Variants in GOLGA1 observed in about 807,000 individuals in gnomAD.
GOLGA1 encodes golgin A1, also known as golgin subfamily A member 1.
A neutral mutation model predicts 119.7 loss-of-function variants in GOLGA1; 63 were observed. The observed-to-expected ratio is 0.53, with a 90% CI of 0.43 to 0.65. The LOEUF (loss-of-function observed/expected upper bound fraction) is 0.65, where lower values mean the gene tolerates loss of function less well. Ranked by LOEUF, GOLGA1 falls within the 30% of genes least tolerant of loss-of-function variation. The pLI is 0.00. For missense variants in GOLGA1, 798 were observed against 912.8 expected, an observed-to-expected ratio of 0.87 and a Z score of 1.62; for synonymous variants, 318 against 333.4, an observed-to-expected ratio of 0.95 and a Z score of 0.50.
chr9:124,943,167 C>T (rs575902528), upstream of GOLGA1: 2 of 152,294 alleles, frequency 1.3e-5, no homozygotes, highest in South Asian at 4.1e-4. Context: ...ACTGACAAGA[C>T]TTTTACAATA....
chr9:124,895,963 C>A (rs1445911026), intron 15 of GOLGA1, among the ~76,000 whole-genome samples: 1 of 152,128 alleles, frequency 6.6e-6, no homozygotes, highest in Non-Finnish European at 1.5e-5. Context: ...AGAGAACCAT[C>A]CACAACAGAG....
At chr9:124,936,459 G>A (rs1830872402) in intron 3 of GOLGA1, among the ~76,000 whole-genome samples, 1 of 151,918 alleles carries the variant, frequency 6.6e-6, no homozygotes, top group Non-Finnish European at 1.5e-5. Context: ...AAAATCTTTA[G>A]AGACAGAGTC....
chr9:124,914,314 G>A (rs1456162309), intron 10 of GOLGA1, among the ~76,000 whole-genome samples: 1 of 152,082 alleles, frequency 6.6e-6, no homozygotes, highest in African/African-American at 2.4e-5. Flanking sequence ...TGGCTAACAC[G>A]GTGAAACCCC....
chr9:124,911,993 T>A lies in GOLGA1; in HGVS notation c.877A>T (p.Ile293Phe), dbSNP rs775141689. 3 of 1,613,244 alleles carry A rather than the reference T, an allele frequency of 1.9e-6. No homozygotes were observed. In the Admixed American group the frequency reaches 5.0e-5, roughly 27 times the overall value. ...TAETQEKEDV[I>F]THLQEKVASL... ...GCAACCTTCTCTTGCAAATGTGTGA[T>A]AACGTCTTCTTTCTCTTGAGTTTCA... Residue 293 changes from isoleucine to phenylalanine, a missense_variant, in exon 11 of 23, where the codon ATC becomes TTC. Physicochemically the swap from Ile to Phe is conservative, Grantham distance 21. Transcript: ENST00000373555.
chr9:124,940,185 G>C (rs545495883), intron 1 of GOLGA1, 30 bp from the exon 2 acceptor site: 1 of 152,234 alleles, frequency 6.6e-6, no homozygotes, highest in Non-Finnish European at 1.5e-5. Context: ...AAATGCATTG[G>C]GTATTTCTTT....
chr9:124,894,379 T>A (rs1829919049), intron 15 of GOLGA1, among the ~76,000 whole-genome samples: 1 of 119,220 alleles, frequency 8.4e-6, no homozygotes, highest in African/African-American at 3.5e-5. Context: ...AATTTAAAGT[T>A]TTGTGTGTGT....
At chr9:124,941,763 C>T (rs148732140), upstream of GOLGA1, among the ~76,000 whole-genome samples, 140 of 152,284 alleles carry the variant, frequency 9.2e-4, 4 homozygotes, top group South Asian at 0.014. Context: ...GCTGCTGGGC[C>T]GTCTCCTTTC....
intron 12 of GOLGA1, 44 bp downstream of exon 12, chr9:124,908,333 G>T: frequency 9.7e-7 from 1 of 1,025,864 alleles, no homozygotes; most frequent in Non-Finnish European, 1.6e-6. Flanking sequence ...CATTCAGCCA[G>T]GTTACCACCC....
At chr9:124,901,041 C>T (rs1301584997) in intron 12 of GOLGA1, among the ~76,000 whole-genome samples, 2 of 150,264 alleles carry the variant, frequency 1.3e-5, no homozygotes, top group Non-Finnish European at 3.0e-5. Context: ...GCATGATCTC[C>T]ACTCACTGCA....
intron 3 of GOLGA1, among the ~76,000 whole-genome samples, chr9:124,937,196 G>A (rs1830890711): frequency 6.6e-6 from 1 of 152,140 alleles, no homozygotes; most frequent in Admixed American, 6.5e-5. Flanking sequence ...GCTCACCCCT[G>A]TAATCCTAGC....
chr9:124,900,560 C>A lies in GOLGA1; in HGVS notation c.1066-13G>T. On this transcript the variant is annotated splice_polypyrimidine_tract_variant and intron_variant, in intron 12 of 22. Coordinates refer to ENST00000373555, the MANE Select transcript of GOLGA1 (RefSeq NM_002077.4). Reference sequence around the variant, plus strand: ...CCAGTTCTCTCACCTGAGAGGGAAGCAGAAGCATTCTTTCTGTTCACAAGA... The same window carrying A: ...CCAGTTCTCTCACCTGAGAGGGAAGAAGAAGCATTCTTTCTGTTCACAAGA... 1 of 1,320,030 alleles carries A rather than the reference C, an allele frequency of 7.6e-7. No homozygotes were observed. Among genetic ancestry groups the A allele is most frequent in the African/African-American group, 1.5e-5 (1 of 68,900 alleles). 81.8% of individuals were successfully genotyped at this position (1,320,030 alleles called of 1,614,324 possible).
In GOLGA1 at chr9:124,890,442, T is replaced by C. The variant is rs779970639; in HGVS notation, c.1444A>G (p.Met482Val). 59 of 1,613,856 alleles carry C rather than the reference T, an allele frequency of 3.7e-5. No individual in the cohort carries two copies. The highest frequency in any genetic ancestry group is 4.8e-5 in the Non-Finnish European group (57 of 1,179,812). Residue 482 changes from methionine (M) to valine (V), a missense_variant, in exon 16 of 23, where the codon ATG becomes GTG. Coordinates refer to ENST00000373555, the MANE Select transcript of GOLGA1 (RefSeq NM_002077.4). ...WSQREIVSVAMAQALEEVRKQ... is the reference protein window; with the variant it reads ...WSQREIVSVAVAQALEEVRKQ... ...CGCACCTCCTCCAGGGCTTGAGCCA[T>C]GGCCACGCTCACAATTTCTCTTTGG...
At chr9:124,883,765 G>C (rs2131361133) in intron 19 of GOLGA1, among the ~76,000 whole-genome samples, 1 of 151,130 alleles carries the variant, frequency 6.6e-6, no homozygotes, top group East Asian at 2.0e-4. Context: ...TTTTCTTTAA[G>C]AGACAGCATC....
rs751085724 is a variant in GOLGA1, at chr9:124,908,430, G to C, written c.1012C>G (p.Leu338Val). 6.2e-7 allele frequency: 1 copy of C among 1,611,430 alleles called. No homozygotes were observed. Among genetic ancestry groups the C allele is most frequent in the Non-Finnish European group, 8.5e-7 (1 of 1,177,508 alleles). Residue 338 changes from leucine (L) to valine (V), a missense_variant, in exon 12 of 23, where the codon CTC becomes GTC. Transcript: ENST00000373555. ...EQNLEDTRQQ[L>V]LAARSSQAKA... The stretch of plus-strand genomic sequence containing the variant: ...GCCTGGCTGCTTCTGGCTGCCAAGA[G>C]CTGTTGTCTGGTATCCTCCAAATTC...
chr9:124,935,795 G>A (rs1158469151), intron 3 of GOLGA1, among the ~76,000 whole-genome samples: 1 of 150,918 alleles, frequency 6.6e-6, no homozygotes, highest in Non-Finnish European at 1.5e-5. Context: ...AGAAATAGAA[G>A]CCATAATACG....
intron 16 of GOLGA1, 90 bp downstream of exon 16, chr9:124,890,299 A>C: frequency 1.1e-6 from 1 of 876,604 alleles, no homozygotes; most frequent in Non-Finnish European, 1.9e-6. Context: ...CTGGAGAGAC[A>C]GGCCCTCTCC....
intron 18 of GOLGA1, 102 bp downstream of exon 18, chr9:124,889,041 G>A (rs967359840): frequency 5.7e-5 from 50 of 880,712 alleles, no homozygotes; most frequent in East Asian, 1.5e-4. Context: ...GCAGGGGAGC[G>A]TCGTGTCCAC....
intron 16 of GOLGA1, 93 bp downstream of exon 16, chr9:124,890,296 G>A: frequency 1.1e-6 from 1 of 870,594 alleles, no homozygotes. Flanking sequence ...ACCCTGGAGA[G>A]ACAGGCCCTC....
chr9:124,939,013 C>T (rs1830939786), intron 2 of GOLGA1, 147 bp from the exon 3 acceptor site: 1 of 246,362 alleles, frequency 4.1e-6, no homozygotes, highest in Non-Finnish European at 7.6e-6. Flanking sequence ...AAAAAGCACT[C>T]AGGTGCTTCA....
Sources: gnomAD v4.1 joint callset for allele counts (sites outside exome capture counted in the v4.1 genomes callset) on GRCh38, gnomAD v4.1.1 for gene constraint, MANE v1.5 for transcripts, NCBI Gene and HGNC (gene_info 2026-07-23, HGNC 2026-07-21) for gene names.